The following RC3H1 variants were observed in gnomAD, a reference collection of about 807,000 sequenced individuals.
RC3H1 encodes the protein ring finger and CCCH-type domains 1.
Under a neutral mutation model 138.2 loss-of-function variants are expected in RC3H1, and 50 were observed. The observed-to-expected ratio is 0.36, with a 90% confidence interval of 0.29 to 0.46. The LOEUF is 0.46. RC3H1 is among the 20% of genes least tolerant of loss of function. The probability of loss-of-function intolerance (pLI) is 1.00; values close to 1 mark genes in which losing one functional copy is unlikely to be tolerated. For missense variants in RC3H1, 1,031 were observed against 1,388.1 expected (o/e 0.74, Z 4.09); for synonymous variants, 462 against 489.1 (o/e 0.94, Z 0.73).
Position 174,006,998 on chromosome 1 carries a change from C to A in RC3H1, c.-150-13863G>T, listed in dbSNP as rs1040674653. Reference sequence around the variant, plus strand: ...ATTATCAGCATCTCAAAAGGCCCCCCCTCACTATCCCTCCCAATGATTACT... The same window carrying A: ...ATTATCAGCATCTCAAAAGGCCCCCACTCACTATCCCTCCCAATGATTACT... On this transcript the variant is annotated intron_variant, in intron 1 of 19. Transcript: ENST00000367696. Among the ~76,000 whole-genome samples, 18 of 152,096 alleles carry A rather than the reference C, an allele frequency of 1.2e-4. 1 individual carries two copies. The highest frequency in any genetic ancestry group is 1.2e-3 in the Admixed American group (18 of 15,260).
rs534766736 is a variant in RC3H1 at position 173,996,942 on chromosome 1, C to T, written c.-150-3807G>A. On this transcript the variant is annotated intron_variant, in intron 1 of 19. Coordinates refer to ENST00000367696, the MANE Select transcript of RC3H1 (RefSeq NM_172071.4). ...TTTTTTTTTGGGTAACAAAACTTAA[C>T]GGCACTGCCAGGCATGGTGGTTCAC... Among the ~76,000 whole-genome samples the T allele has an allele frequency of 5.9e-5, 9 of 151,712 alleles. No homozygotes were observed. In the East Asian group the frequency reaches 1.5e-3, roughly 26 times the overall value.
At chr1:173,966,512 C>T (rs1660125612) in intron 9 of RC3H1, among the ~76,000 whole-genome samples, 1 of 151,656 alleles carries the variant, frequency 6.6e-6, no homozygotes, top group Non-Finnish European at 1.5e-5. Context: ...GGTCAGGAGT[C>T]AAGACCAGCC....
At chr1:173,945,551 C>T (rs1370783046) in intron 17 of RC3H1, among the ~76,000 whole-genome samples, 1 of 152,006 alleles carries the variant, frequency 6.6e-6, no homozygotes, top group Middle Eastern at 3.4e-3. Context: ...ATACTTCAAT[C>T]AAAAAAGGAG....
Position 173,964,051 on chromosome 1 carries a change from G to C in RC3H1, c.1753C>G (p.Pro585Ala), listed in dbSNP as rs369229536. 10 of 1,614,028 alleles carry C rather than the reference G, an allele frequency of 6.2e-6. No individual in the cohort carries two copies. The African/African-American group carries it at 9.3e-5, about 15-fold the overall frequency. The change falls in exon 11 of 20, where the codon CCA (proline) becomes GCA (alanine). Residue 585 changes from proline (P) to alanine (A), a missense_variant. Transcript: ENST00000367696. ...TAATAAACATCCGTCTGTTGTGCTG[G>C]ATATAACTGAGAACCTCGAGGTACC... Reference protein sequence around the residue: ...QMVPRGSQLYPAQQTDVYYQD... With the variant: ...QMVPRGSQLYAAQQTDVYYQD...
intron 8 of RC3H1, among the ~76,000 whole-genome samples, chr1:173,972,035 C>T (rs1297723012): frequency 6.6e-6 from 1 of 151,548 alleles, no homozygotes; most frequent in Non-Finnish European, 1.5e-5. Context: ...AGATTTGGCC[C>T]AATGGCATAA....
In RC3H1 at chr1:173,964,008, G is replaced by A. The variant is rs527622509; in HGVS notation, c.1796C>T (p.Ala599Val). Residue 599 changes from alanine (A) to valine (V), a missense_variant, in exon 11 of 20, where the codon GCA becomes GTA. Coordinates refer to ENST00000367696, the MANE Select transcript of RC3H1 (RefSeq NM_172071.4). ...AGGTGCTGGTTCAAATGGCGGAGCT[G>A]CTCCTCGAGGATCCTGATAATAAAC... The part of the protein sequence containing the change: ...TDVYYQDPRG[A>V]APPFEPAPYQ... 1.5e-5 allele frequency: 25 copies of A among 1,614,138 alleles called. No homozygotes were observed. Among genetic ancestry groups the A allele is most frequent in the Middle Eastern group, 1.7e-4 (1 of 6,046 alleles).
intron 18 of RC3H1, among the ~76,000 whole-genome samples, chr1:173,942,241 C>CAA (rs538784048): frequency 2.4e-5 from 3 of 122,548 alleles, no homozygotes; most frequent in Admixed American, 8.4e-5. Flanking sequence ...GACTCCGCCT[C>CAA]AAAAAAAAAA....
Position 173,931,335 on chromosome 1 carries a change from C to A in RC3H1, c.*7386G>T, listed in dbSNP as rs1658370799. The A allele has an allele frequency of 6.6e-6, 1 of 152,152 alleles. No homozygotes were observed. The highest frequency in any genetic ancestry group is 2.4e-5 in the African/African-American group (1 of 41,444). The allele number at this position is 152,152 out of a possible 1,614,324, so 9.4% of individuals were successfully genotyped here. ...CCTCCTTCTACTTGTTAAAATAAAT[C>A]ATTTTATCTGCAACTCATGGGAGCC... On this transcript the variant is annotated 3_prime_UTR_variant, in exon 20 of 20. Transcript: ENST00000367696.
At chr1:174,005,931 C>T (rs931534033) in intron 1 of RC3H1, among the ~76,000 whole-genome samples, 1 of 152,098 alleles carries the variant, frequency 6.6e-6, no homozygotes, top group Admixed American at 6.5e-5. Context: ...CCTGGCCGGG[C>T]GCGGTGGCTC....
In RC3H1 at chr1:173,990,018, G is replaced by A. The variant is rs572158455; in HGVS notation, c.231+2737C>T. Among the ~76,000 whole-genome samples, 16 of 151,500 alleles carry A rather than the reference G, an allele frequency of 1.1e-4. No homozygotes were observed. In the East Asian group the frequency reaches 2.9e-3, roughly 28 times the overall value. ...TGGGATTACAGGCGTGAGCCACCGC[G>A]CCCGGCCTATTCAAGTTTTAAGCTA... On this transcript the variant is annotated intron_variant, in intron 2 of 19. Coordinates refer to ENST00000367696, the MANE Select transcript of RC3H1 (RefSeq NM_172071.4).
Position 173,954,374 on chromosome 1 carries a change from A to G in RC3H1, c.2371-2236T>C, listed in dbSNP as rs1303017475. 7.2e-5 allele frequency among the ~76,000 whole-genome samples: 11 copies of G among 152,262 alleles called. No individual in the cohort carries two copies. The East Asian group carries it at 2.1e-3, about 29-fold the overall frequency. On this transcript the variant is annotated intron_variant, in intron 13 of 19. Coordinates refer to ENST00000367696, the MANE Select transcript of RC3H1 (RefSeq NM_172071.4). ...ACTCAATGTGGGAGCTAAAAAGTTGAGTCACAGAAGTAGAGAGTGGAACTG... is the reference window on the plus strand; with the variant it reads ...ACTCAATGTGGGAGCTAAAAAGTTGGGTCACAGAAGTAGAGAGTGGAACTG...
rs972933690 is a variant in RC3H1, at chr1:173,954,570, T to C, written c.2371-2432A>G. 2.0e-5 allele frequency among the ~76,000 whole-genome samples: 3 copies of C among 152,252 alleles called. No individual in the cohort carries two copies. In the East Asian group the frequency reaches 5.8e-4, roughly 29 times the overall value. ...TTTTCTAAAAACTAGAAGAGAGGAT[T>C]GTTTTTCCTGATTTGAAAAAATTAT... On this transcript the variant is annotated intron_variant, in intron 13 of 19. Coordinates refer to ENST00000367696, the MANE Select transcript of RC3H1 (RefSeq NM_172071.4).
chr1:174,002,251 T>G (rs1475122041), intron 1 of RC3H1, among the ~76,000 whole-genome samples: 4 of 152,202 alleles, frequency 2.6e-5, no homozygotes, highest in African/African-American at 9.6e-5. Context: ...TAATGGTTCA[T>G]TTTTATAAAG....
Position 173,961,594 on chromosome 1 carries a change from A to T in RC3H1, c.2202+131T>A, listed in dbSNP as rs191994294. 1.8e-3 allele frequency: 1,761 copies of T among 963,058 alleles called. 8 individuals carry two copies. Among genetic ancestry groups the T allele is most frequent in the Non-Finnish European group, 1.9e-3 (1,294 of 671,988 alleles). 59.7% of individuals were successfully genotyped at this position (963,058 alleles called of 1,614,324 possible). A position where few individuals can be genotyped will look rare whatever the true frequency, so the allele number is the denominator to read the frequency against. On this transcript the variant is annotated intron_variant, in intron 12 of 19. Coordinates refer to ENST00000367696, the MANE Select transcript of RC3H1 (RefSeq NM_172071.4). ...AAAAAAATACCCAAATTATGAAAAG[A>T]TTTAAAAAAAAAAGAAGCTCTCTTA...
intron 1 of RC3H1, among the ~76,000 whole-genome samples, chr1:173,997,613 A>G: frequency 6.6e-6 from 1 of 152,218 alleles, no homozygotes; most frequent in East Asian, 1.9e-4. Context: ...ATTTTCTAGT[A>G]AAATAGTTCT....
At chr1:173,988,784 T>TTA (rs1180616541) in intron 2 of RC3H1, among the ~76,000 whole-genome samples, 2 of 152,366 alleles carry the variant, frequency 1.3e-5, no homozygotes, top group African/African-American at 4.8e-5. Context: ...AATTTGCAAT[T>TTA]ACTTAAAGAC....
At chr1:174,006,115 G>A (rs1661648514) in intron 1 of RC3H1, among the ~76,000 whole-genome samples, 1 of 152,138 alleles carries the variant, frequency 6.6e-6, no homozygotes, top group South Asian at 2.1e-4. Flanking sequence ...GCTGAGGCAG[G>A]AGAATTGCTT....
intron 1 of RC3H1, among the ~76,000 whole-genome samples, chr1:174,017,106 A>G (rs373106427): frequency 3.3e-5 from 5 of 152,246 alleles, no homozygotes; most frequent in African/African-American, 1.2e-4. Context: ...GGGATCAAAG[A>G]GCTTCAAATT....
At chr1:173,948,489 A>G (rs1008958133) in intron 14 of RC3H1, among the ~76,000 whole-genome samples, 3 of 152,136 alleles carry the variant, frequency 2.0e-5, no homozygotes, top group Admixed American at 2.0e-4. Context: ...TGTTACACAT[A>G]TATATAGACA....
Sources: allele counts gnomAD v4.1 joint callset (sites outside exome capture counted in the v4.1 genomes callset), GRCh38; gene constraint gnomAD v4.1.1; transcripts MANE v1.5; gene names NCBI Gene and HGNC (gene_info 2026-07-23, HGNC 2026-07-21).